Variants in PLCB1 observed in about 807,000 individuals in gnomAD.
PLCB1 encodes phospholipase C beta 1.
A neutral mutation model predicts 161.8 loss-of-function variants in PLCB1; 46 were observed. The ratio of observed to expected loss-of-function variants is 0.28; its 90% CI spans 0.22 to 0.36. The LOEUF (loss-of-function observed/expected upper bound fraction) is 0.36. PLCB1 is among the 10% of genes least tolerant of loss of function. PLCB1 has a pLI of 1.00. For synonymous variants in PLCB1, 517 were observed against 503.7 expected, an observed-to-expected ratio of 1.03 and a Z score of -0.35; for missense variants, 1,016 against 1,472.5, an observed-to-expected ratio of 0.69 and a Z score of 5.07.
chr20:8,714,824 T>C (rs6077412), intron 12 of PLCB1, among the ~76,000 whole-genome samples: 88,278 of 151,868 alleles, frequency 0.58, 27,044 homozygotes, highest in South Asian at 0.72. Flanking sequence ...GAGAACTCAC[T>C]TTCCACCCAA....
intron 3 of PLCB1, among the ~76,000 whole-genome samples, chr20:8,576,031 TCATA>T (rs1986663185): frequency 6.6e-6 from 1 of 152,218 alleles, no homozygotes; most frequent in South Asian, 2.1e-4. Flanking sequence ...TCAATTAAAA[TCATA>T]CATACTCACA....
At chr20:8,480,721 G>T (rs1032384675) in intron 3 of PLCB1, among the ~76,000 whole-genome samples, 3 of 152,130 alleles carry the variant, frequency 2.0e-5, no homozygotes, top group Admixed American at 6.5e-5. Flanking sequence ...ACTGCAGTGT[G>T]GACTGAACTT....
At chr20:8,633,493 T>C (rs761333059) in intron 4 of PLCB1, among the ~76,000 whole-genome samples, 11 of 152,120 alleles carry the variant, frequency 7.2e-5, no homozygotes, top group Non-Finnish European at 1.5e-4. Flanking sequence ...TCATCATACT[T>C]TTTAATGAAG....
chr20:8,377,998 G>A lies in PLCB1; in HGVS notation c.246+6548G>A, dbSNP rs535824824. ...GGTTTGAGATCTGAGACATGGGATT[G>A]CCAGCATTTAGACTTTGAGGAGACT... On this transcript the variant is annotated intron_variant, in intron 3 of 31. Transcript: ENST00000338037. Among the ~76,000 whole-genome samples the A allele has an allele frequency of 2.6e-5, 4 of 152,290 alleles. No individual in the cohort carries two copies. In the East Asian group the frequency reaches 7.7e-4, roughly 29 times the overall value.
rs1600089641 is a variant in PLCB1, at chr20:8,466,429, T to A, written c.246+94979T>A. Among the ~76,000 whole-genome samples, 3 of 151,622 alleles carry A rather than the reference T, an allele frequency of 2.0e-5. No homozygotes were observed. The South Asian group carries it at 6.2e-4, about 32-fold the overall frequency. On this transcript the variant is annotated intron_variant, in intron 3 of 31. Transcript: ENST00000338037. ...CATGGCACATGTATACATATGTAAC[T>A]AACCTGCACATTGTGCACATGTACC...
At chr20:8,671,559 A>G (rs574903652) in intron 9 of PLCB1, among the ~76,000 whole-genome samples, 5 of 152,224 alleles carry the variant, frequency 3.3e-5, no homozygotes, top group African/African-American at 1.2e-4. Context: ...CCTCTGCCAG[A>G]TGGGTCATTT....
At chr20:8,872,603 A>T (rs1274710249) in intron 31 of PLCB1, among the ~76,000 whole-genome samples, 2 of 152,160 alleles carry the variant, frequency 1.3e-5, no homozygotes, top group Non-Finnish European at 2.9e-5. Context: ...GGGCTTTATC[A>T]GTTTCTGAAC....
At chr20:8,820,797 A>C (rs1600354485) in intron 31 of PLCB1, among the ~76,000 whole-genome samples, 1 of 152,330 alleles carries the variant, frequency 6.6e-6, no homozygotes, top group East Asian at 1.9e-4. Context: ...ACAACAACTA[A>C]ATAAATATGA....
chr20:8,454,889 TA>T (rs1358564728), intron 3 of PLCB1, among the ~76,000 whole-genome samples: 2 of 152,256 alleles, frequency 1.3e-5, no homozygotes, highest in Non-Finnish European at 2.9e-5. Context: ...CATGCATTTT[TA>T]TCTGTTTTGT....
At chr20:8,854,900 A>G (rs1987018108) in intron 31 of PLCB1, among the ~76,000 whole-genome samples, 1 of 152,246 alleles carries the variant, frequency 6.6e-6, no homozygotes, top group Admixed American at 6.5e-5. Context: ...ATAATTTTAA[A>G]TACAGATCAT....
chr20:8,232,614 A>G lies in PLCB1; in HGVS notation c.177+82243A>G, dbSNP rs117715849. Among the ~76,000 whole-genome samples the G allele has an allele frequency of 9.4e-3, 1,429 of 152,246 alleles. 12 individuals carry two copies. Among genetic ancestry groups the G allele is most frequent in the Non-Finnish European group, 0.012 (827 of 68,016 alleles). On this transcript the variant is annotated intron_variant, in intron 2 of 31. Transcript: ENST00000338037. ...TTGCTTTGCTCTTCTTCTATCTGGAATCCTTTCAGAAGCCTGATCCCCCAC... is the reference window on the plus strand; with the variant it reads ...TTGCTTTGCTCTTCTTCTATCTGGAGTCCTTTCAGAAGCCTGATCCCCCAC...
At position 8,433,397 on chromosome 20, in the gene PLCB1, C is replaced by G. The variant is rs811766; in HGVS notation, c.246+61947C>G. Among the ~76,000 whole-genome samples, 64,768 of 128,406 alleles carry G rather than the reference C, an allele frequency of 0.5. 18,217 individuals carry two copies. The highest frequency in any genetic ancestry group is 0.7 in the East Asian group (3,589 of 5,136). 84.2% of individuals were successfully genotyped at this position (128,406 alleles called of 152,430 possible). A position where few individuals can be genotyped will look rare whatever the true frequency, so the allele number is the denominator to read the frequency against. ...GCTTAAGTTTGGGGAGAGTGGGCTT[C>G]TTTTGATTTGCAATGTGGAAGCTGC... is the stretch of plus-strand genomic sequence containing the variant. On this transcript the variant is annotated intron_variant, in intron 3 of 31. Coordinates refer to ENST00000338037, the MANE Select transcript of PLCB1 (RefSeq NM_015192.4).
At chr20:8,231,166 C>A (rs1303093725) in intron 2 of PLCB1, among the ~76,000 whole-genome samples, 12 of 152,156 alleles carry the variant, frequency 7.9e-5, no homozygotes, top group Admixed American at 7.9e-4. Flanking sequence ...TAGGTAGAAG[C>A]CTATGTATGC....
intron 3 of PLCB1, among the ~76,000 whole-genome samples, chr20:8,481,790 AT>A (rs1982508109): frequency 6.6e-6 from 1 of 152,088 alleles, no homozygotes; most frequent in Non-Finnish European, 1.5e-5. Context: ...AATCATTTGA[AT>A]TGGTTTTTTG....
intron 6 of PLCB1, among the ~76,000 whole-genome samples, 154 bp downstream of exon 6, chr20:8,648,107 A>G (rs1989215694): frequency 6.6e-6 from 1 of 152,178 alleles, no homozygotes; most frequent in South Asian, 2.1e-4. Context: ...ATGTCAGTGC[A>G]GCTGCTTTCC....
chr20:8,768,460 A>G (rs1264772537), intron 26 of PLCB1, among the ~76,000 whole-genome samples: 1 of 152,086 alleles, frequency 6.6e-6, no homozygotes, highest in African/African-American at 2.4e-5. Context: ...ATTCTATTAC[A>G]TTTGCAACAA....
chr20:8,425,962 G>T (rs1445917132), intron 3 of PLCB1, among the ~76,000 whole-genome samples: 3 of 152,090 alleles, frequency 2.0e-5, no homozygotes, highest in Non-Finnish European at 4.4e-5. Context: ...GTATCTTCCA[G>T]CAGGCAATGG....
intron 1 of PLCB1, among the ~76,000 whole-genome samples, 157 bp from the exon 2 acceptor site, chr20:8,150,137 A>T (rs1484232285): frequency 6.6e-6 from 1 of 152,164 alleles, no homozygotes; most frequent in Admixed American, 6.5e-5. Flanking sequence ...GGATAATTCC[A>T]TGAAGTTAAA....
In PLCB1 at chr20:8,232,052, T is replaced by C. The variant is rs145653612; in HGVS notation, c.177+81681T>C. On this transcript the variant is annotated intron_variant, in intron 2 of 31. Transcript: ENST00000338037. ...AATTTGGAAGAAACCTAAAAGATTA[T>C]GCATTCCAGCAGGGCTTGGTGGTGT... Among the ~76,000 whole-genome samples, 577 of 152,234 alleles carry C rather than the reference T, an allele frequency of 3.8e-3. 7 individuals carry two copies. The highest frequency in any genetic ancestry group is 0.013 in the African/African-American group (532 of 41,562).
Sources: allele counts gnomAD v4.1 joint callset (sites outside exome capture counted in the v4.1 genomes callset), GRCh38; gene constraint gnomAD v4.1.1; transcripts MANE v1.5; gene names NCBI Gene and HGNC (gene_info 2026-07-23, HGNC 2026-07-21).